Variants in ZC3H12B observed in about 807,000 individuals in gnomAD.
The protein encoded by ZC3H12B is zinc finger CCCH-type containing 12B, also known as probable ribonuclease ZC3H12B.
A neutral mutation model predicts 43.9 loss-of-function variants in ZC3H12B; 7 were observed. The observed-to-expected ratio is 0.16, with a 90% confidence interval of 0.09 to 0.30. The LOEUF (loss-of-function observed/expected upper bound fraction) is 0.30, where lower values mean the gene tolerates loss of function less well. Among genes scored for constraint, ZC3H12B ranks in the 10% least tolerant of loss-of-function variants. ZC3H12B has a pLI of 1.00. For missense variants in ZC3H12B, 475 were observed against 670.2 expected, an observed-to-expected ratio of 0.71 and a Z score of 3.22; for synonymous variants, 222 against 241.7, an observed-to-expected ratio of 0.92 and a Z score of 0.76.
upstream of ZC3H12B, among the ~76,000 whole-genome samples, chrX:65,362,669 C>T (rs1174724125): frequency 9.0e-6 from 1 of 110,689 alleles, no homozygotes; most frequent in East Asian, 2.9e-4. Context: ...ACATAATCAC[C>T]CTTACCCTGC....
At chrX:65,125,190 A>T in the ZC3H12B span, among the ~76,000 whole-genome samples, 4 of 111,571 alleles carry the variant, frequency 3.6e-5, no homozygotes, top group African/African-American at 1.3e-4. Context: ...TGACACTATT[A>T]TCATTCAGTT....
At chrX:65,169,296 G>A in the ZC3H12B span, among the ~76,000 whole-genome samples, 11 of 112,043 alleles carry the variant, frequency 9.8e-5, no homozygotes, top group Admixed American at 1.9e-4. Context: ...TATGTACCCC[G>A]TAGTCATTCA....
the ZC3H12B span, among the ~76,000 whole-genome samples, chrX:65,059,162 G>A: frequency 4.6e-5 from 5 of 108,763 alleles, no homozygotes; most frequent in Admixed American, 9.8e-5. Context: ...TGTCTTCTGC[G>A]TCGCTCACGC....
chrX:65,175,709 G>T, the ZC3H12B span, among the ~76,000 whole-genome samples: 1 of 111,842 alleles, frequency 8.9e-6, no homozygotes, highest in Non-Finnish European at 1.9e-5. Context: ...TGGTTGCACA[G>T]TGAGTGCAGC....
chrX:65,264,583 G>A, the ZC3H12B span, among the ~76,000 whole-genome samples: 1 of 111,582 alleles, frequency 9.0e-6, no homozygotes, highest in Non-Finnish European at 1.9e-5. Flanking sequence ...ACATCTTATA[G>A]CTCATTGCCT....
At chrX:65,503,361 CTTACTAACATCCTCT>C (rs2068394028) in exon 5 of ZC3H12B, 1 of 478,149 alleles carries the variant, frequency 2.1e-6, no homozygotes, top group East Asian at 4.0e-5. Flanking sequence ...TGAGGTACGT[CTTACTAACATCCTCT>C]TTTATAGAGA....
chrX:65,233,870 G>C, the ZC3H12B span, among the ~76,000 whole-genome samples: 25,719 of 110,742 alleles, frequency 0.23, 7,120 homozygotes, highest in African/African-American at 0.8. Context: ...AAAATAAAAC[G>C]AGAGACAAAA....
chrX:65,134,897 C>T, the ZC3H12B span, among the ~76,000 whole-genome samples: 1 of 110,928 alleles, frequency 9.0e-6, no homozygotes, highest in African/African-American at 3.3e-5. Context: ...TGTTCTCTGG[C>T]AGGCAGGGGC....
At chrX:65,226,710 A>G in the ZC3H12B span, among the ~76,000 whole-genome samples, 2 of 111,382 alleles carry the variant, frequency 1.8e-5, no homozygotes, top group Non-Finnish European at 3.8e-5. Context: ...ATGGAAAACA[A>G]AAAAAGGCAG....
At chrX:65,138,444 T>C in the ZC3H12B span, among the ~76,000 whole-genome samples, 6 of 112,141 alleles carry the variant, frequency 5.4e-5, no homozygotes, top group Non-Finnish European at 1.1e-4. Context: ...ACAATTTTAT[T>C]GTGTATATAT....
At chrX:65,370,736 T>C (rs1272941961) in intron 2 of ZC3H12B, among the ~76,000 whole-genome samples, 1 of 111,863 alleles carries the variant, frequency 8.9e-6, no homozygotes, top group Non-Finnish European at 1.9e-5. Flanking sequence ...TCTAGGTCAT[T>C]CTCTTTGTGA....
intron 2 of ZC3H12B, among the ~76,000 whole-genome samples, chrX:65,377,124 C>T (rs1203152660): frequency 1.9e-5 from 2 of 107,377 alleles, no homozygotes; most frequent in African/African-American, 6.8e-5. Flanking sequence ...ATTGGCATAC[C>T]GAAGAATGCA....
intron 2 of ZC3H12B, among the ~76,000 whole-genome samples, chrX:65,378,402 T>C (rs1197860583): frequency 9.0e-6 from 1 of 111,009 alleles, no homozygotes; most frequent in Non-Finnish European, 1.9e-5. Context: ...ACTCTGAAAA[T>C]AATGGGTTAT....
At chrX:65,478,109 A>T (rs1602511152) in intron 3 of ZC3H12B, among the ~76,000 whole-genome samples, 2 of 111,688 alleles carry the variant, frequency 1.8e-5, no homozygotes, top group South Asian at 7.4e-4. Context: ...TTGTTCTTTG[A>T]CATACTTTCT....
chrX:65,157,456 T>C, the ZC3H12B span, among the ~76,000 whole-genome samples: 30 of 112,179 alleles, frequency 2.7e-4, no homozygotes, highest in Non-Finnish European at 5.3e-4. Context: ...TATGTAGTGG[T>C]GTTATTTCTA....
At chrX:65,247,150 C>G in the ZC3H12B span, among the ~76,000 whole-genome samples, 2 of 112,247 alleles carry the variant, frequency 1.8e-5, no homozygotes, top group African/African-American at 6.5e-5. Flanking sequence ...CTCAACATCA[C>G]TGATTATTAG....
At chrX:65,344,314 A>G in the ZC3H12B span, among the ~76,000 whole-genome samples, 55 of 112,055 alleles carry the variant, frequency 4.9e-4, no homozygotes, top group Non-Finnish European at 9.6e-4. Flanking sequence ...TTCTTCATAG[A>G]ACTATAAAAA....
At chrX:65,258,253 GC>G in the ZC3H12B span, among the ~76,000 whole-genome samples, 2 of 111,999 alleles carry the variant, frequency 1.8e-5, no homozygotes, top group Admixed American at 9.5e-5. Context: ...TGAGATGCAA[GC>G]CTGGTTTGAT....
At chrX:65,084,967 G>A in the ZC3H12B span, among the ~76,000 whole-genome samples, 1 of 112,026 alleles carries the variant, frequency 8.9e-6, no homozygotes, top group East Asian at 2.8e-4. Flanking sequence ...AAGGTAGATG[G>A]AACTATAGAT....
Sources: gnomAD v4.1 joint callset for allele counts (sites outside exome capture counted in the v4.1 genomes callset) on GRCh38, gnomAD v4.1.1 for gene constraint, MANE v1.5 for transcripts, NCBI Gene and HGNC (gene_info 2026-07-23, HGNC 2026-07-21) for gene names.